Variants in RGS10 observed in about 807,000 individuals in gnomAD.
RGS10 encodes the protein regulator of G protein signaling 10.
RGS10 carries 11 observed loss-of-function variants against 23.5 expected under a neutral mutation model. The observed-to-expected ratio is 0.47, with a 90% CI of 0.29 to 0.77. RGS10 has a LOEUF of 0.77. RGS10 is among the 30% of genes least tolerant of loss of function. RGS10 has a pLI of 0.08. For missense variants in RGS10, 180 were observed against 226.3 expected (o/e 0.80, Z 1.31); for synonymous variants, 77 against 83.2 (o/e 0.92, Z 0.41).
intron 3 of RGS10, among the ~76,000 whole-genome samples, chr10:119,525,229 A>G (rs978369688): frequency 2.0e-5 from 3 of 152,164 alleles, no homozygotes; most frequent in Admixed American, 2.0e-4. Flanking sequence ...GATCTAGGAG[A>G]TCACCATCAG....
At chr10:119,540,329 T>C (rs924221295) in intron 1 of RGS10, among the ~76,000 whole-genome samples, 2 of 152,196 alleles carry the variant, frequency 1.3e-5, no homozygotes, top group Non-Finnish European at 2.9e-5. Flanking sequence ...AAGCTCACTG[T>C]AGCCTCAACC....
At chr10:119,539,302 G>A (rs1589844484) in intron 1 of RGS10, among the ~76,000 whole-genome samples, 1 of 152,214 alleles carries the variant, frequency 6.6e-6, no homozygotes, top group Non-Finnish European at 1.5e-5. Flanking sequence ...AATAAAACAA[G>A]CCCAGCCATA....
chr10:119,523,713 A>G (rs1441302817), intron 3 of RGS10, among the ~76,000 whole-genome samples: 2 of 152,192 alleles, frequency 1.3e-5, no homozygotes, highest in East Asian at 3.8e-4. Flanking sequence ...ACAGGCATGG[A>G]AAGGGGCTGC....
chr10:119,528,995 G>C (rs1844307121), intron 1 of RGS10, among the ~76,000 whole-genome samples: 1 of 152,160 alleles, frequency 6.6e-6, no homozygotes, highest in African/African-American at 2.4e-5. Context: ...TCACGACACT[G>C]AGAAGTCTCC....
intron 2 of RGS10, among the ~76,000 whole-genome samples, chr10:119,526,908 T>G (rs2991788): frequency 0.64 from 97,603 of 151,724 alleles, 33,223 homozygotes; most frequent in East Asian, 0.88. Context: ...CGCCAAGTTC[T>G]CATTGCCAGC....
At position 119,542,693 on chromosome 10, in the gene RGS10, C is replaced by T; in HGVS notation, c.-55G>A. Reference sequence around the variant, plus strand: ...GCAGCCCGGCGGCGCGGCGGCTGAGCCGGAGGAAGGCGAGGAGGAGGAGGA... The same window carrying T: ...GCAGCCCGGCGGCGCGGCGGCTGAGTCGGAGGAAGGCGAGGAGGAGGAGGA... On this transcript the variant is annotated 5_prime_UTR_variant, in exon 1 of 5. Transcript: ENST00000369103. 7.6e-7 allele frequency: 1 copy of T among 1,321,738 alleles called. No individual in the cohort carries two copies. The highest frequency in any genetic ancestry group is 9.7e-7 in the Non-Finnish European group (1 of 1,033,006). The allele number at this position is 1,321,738 out of a possible 1,614,324, so 81.9% of individuals were successfully genotyped here. A position where few individuals can be genotyped will look rare whatever the true frequency, so the allele number is the denominator to read the frequency against.
intron 4 of RGS10, among the ~76,000 whole-genome samples, chr10:119,512,154 G>T (rs572742352): frequency 6.6e-6 from 1 of 152,128 alleles, no homozygotes; most frequent in Admixed American, 6.6e-5. Context: ...CTAAGTTCGG[G>T]GGCGGCGGTG....
In RGS10 at chr10:119,538,467, G is replaced by T. The variant is rs1844409411; in HGVS notation, c.49+4123C>A. ...AAGGGTGGGTCTGTTGGAGCAGGGG[G>T]ACCCAGGCTTTGGGACAGGACAAAG... On this transcript the variant is annotated intron_variant, in intron 1 of 4. Coordinates refer to ENST00000369103, the MANE Select transcript of RGS10 (RefSeq NM_001005339.2). The surrounding 1 kb of genome is among the most constrained non-coding windows in gnomAD (Gnocchi z 4.5). Among the ~76,000 whole-genome samples the T allele has an allele frequency of 6.6e-6, 1 of 152,196 alleles. No homozygotes were observed. The highest frequency in any genetic ancestry group is 1.5e-5 in the Non-Finnish European group (1 of 68,028).
At chr10:119,529,650 C>T (rs992929596) in intron 1 of RGS10, among the ~76,000 whole-genome samples, 6 of 152,154 alleles carry the variant, frequency 3.9e-5, no homozygotes, top group Non-Finnish European at 8.8e-5. Context: ...ATGTGAGCTC[C>T]TTTCTTCCCA....
chr10:119,520,960 C>A (rs956722149), intron 3 of RGS10, among the ~76,000 whole-genome samples: 1 of 152,078 alleles, frequency 6.6e-6, no homozygotes, highest in Non-Finnish European at 1.5e-5. Flanking sequence ...CAACATAAGA[C>A]CATTTCCCAG....
At chr10:119,534,362 G>A (rs1844363692) in intron 1 of RGS10, among the ~76,000 whole-genome samples, 1 of 151,814 alleles carries the variant, frequency 6.6e-6, no homozygotes, top group Non-Finnish European at 1.5e-5. Context: ...GGAGGCCGAG[G>A]CAGGCGGATC....
At chr10:119,513,557 TGCTG>T (rs751776636) in intron 4 of RGS10, among the ~76,000 whole-genome samples, 35 of 151,786 alleles carry the variant, frequency 2.3e-4, no homozygotes, top group Non-Finnish European at 4.7e-4. Flanking sequence ...TTCCTTTCTG[TGCTG>T]GCTAAGCCTC....
intron 1 of RGS10, among the ~76,000 whole-genome samples, chr10:119,533,039 C>T (rs75270333): frequency 3.0e-4 from 31 of 103,656 alleles, no homozygotes; most frequent in Middle Eastern, 7.5e-3. Flanking sequence ...GACGCTGTCT[C>T]AAAAAAAAAA....
At chr10:119,542,184 G>C (rs1432865739) in intron 1 of RGS10, among the ~76,000 whole-genome samples, 1 of 152,140 alleles carries the variant, frequency 6.6e-6, no homozygotes, top group Admixed American at 6.5e-5. Context: ...GTGCTCCCCC[G>C]GGCGCTCGGC....
Position 119,527,221 on chromosome 10 carries a change from G to A in RGS10, c.168+85C>T. ...AGAGAGTGCTACGCTGACAGACAAT[G>A]TTGAACTGGCCTATTTCTCCCCTGT... On this transcript the variant is annotated intron_variant, in intron 2 of 4. Coordinates refer to ENST00000369103, the MANE Select transcript of RGS10 (RefSeq NM_001005339.2). This position sits in a 1 kb window ranked among gnomAD's most constrained non-coding sequence, Gnocchi z 4.2. 1.1e-6 allele frequency: 1 copy of A among 927,226 alleles called. No homozygotes were observed. Among genetic ancestry groups the A allele is most frequent in the Non-Finnish European group, 1.7e-6 (1 of 583,698 alleles). The allele number at this position is 927,226 out of a possible 1,614,324, so 57.4% of individuals were successfully genotyped here.
rs182286772 is a variant in RGS10 at position 119,527,251 on chromosome 10, A to C, written c.168+55T>G. The C allele has an allele frequency of 2.4e-4, 307 of 1,306,076 alleles. No individual in the cohort carries two copies. The highest frequency in any genetic ancestry group is 2.7e-5 in the Non-Finnish European group (25 of 909,138). 80.9% of individuals were successfully genotyped at this position (1,306,076 alleles called of 1,614,324 possible). On this transcript the variant is annotated intron_variant, in intron 2 of 4. Transcript: ENST00000369103. The surrounding 1 kb of genome is among the most constrained non-coding windows in gnomAD (Gnocchi z 4.2). ...ACTGGCCTATTTCTCCCCTGTGTGC[A>C]TCTGAACTTCTGCACACACTGCATC...
At chr10:119,519,425 TTC>T (rs1289081646) in intron 3 of RGS10, among the ~76,000 whole-genome samples, 1 of 125,970 alleles carries the variant, frequency 7.9e-6, no homozygotes, top group Non-Finnish European at 1.6e-5. Context: ...GTCTCCCAGC[TTC>T]TGTCTCCCTG....
At chr10:119,534,352 G>C (rs1187872812) in intron 1 of RGS10, among the ~76,000 whole-genome samples, 1 of 151,652 alleles carries the variant, frequency 6.6e-6, no homozygotes. Context: ...CAGCACTTTG[G>C]GAGGCCGAGG....
Position 119,538,432 on chromosome 10 carries a change from C to T in RGS10, c.49+4158G>A, listed in dbSNP as rs1370662102. Among the ~76,000 whole-genome samples the T allele has an allele frequency of 2.0e-5, 3 of 152,238 alleles. No homozygotes were observed. Among genetic ancestry groups the T allele is most frequent in the East Asian group, 3.9e-4 (2 of 5,182 alleles). ...GTCAAGCATGGAGGGTGGGAGGCAG[C>T]GAGGCCTAGAAGGGTGGGTCTGTTG... On this transcript the variant is annotated intron_variant, in intron 1 of 4. Coordinates refer to ENST00000369103, the MANE Select transcript of RGS10 (RefSeq NM_001005339.2). The surrounding 1 kb of genome is among the most constrained non-coding windows in gnomAD (Gnocchi z 4.5).
Sources: gnomAD v4.1 joint callset for allele counts (sites outside exome capture counted in the v4.1 genomes callset) on GRCh38, gnomAD v4.1.1 for gene constraint, Gnocchi (gnomAD v3.1) non-coding constraint, MANE v1.5 for transcripts, NCBI Gene and HGNC (gene_info 2026-07-23, HGNC 2026-07-21) for gene names.